Variants in ZNF587B observed in about 807,000 individuals in gnomAD.
The protein encoded by ZNF587B is zinc finger protein 587B.
A neutral mutation model predicts 7.2 loss-of-function variants in ZNF587B; 6 were observed. The ratio of observed to expected loss-of-function variants is 0.83; its 90% CI spans 0.46 to 1.65. ZNF587B has a LOEUF of 1.65. ZNF587B is among the 40% of genes most tolerant of loss of function. The pLI, the probability that ZNF587B is intolerant of heterozygous loss-of-function variation, is 0.01. For synonymous variants in ZNF587B, 274 were observed against 254.3 expected, an observed-to-expected ratio of 1.08 and a Z score of -0.74; for missense variants, 749 against 761.0, an observed-to-expected ratio of 0.98 and a Z score of 0.19.
At chr19:57,836,583 TAC>T (rs1988615440) in intron 1 of ZNF587B, among the ~76,000 whole-genome samples, 3 of 152,158 alleles carry the variant, frequency 2.0e-5, no homozygotes, top group African/African-American at 7.2e-5. Context: ...CTTGAACTCC[TAC>T]GATCAAGCAG....
Position 57,841,215 on chromosome 19 carries a change from C to G in ZNF587B, c.541C>G (p.Pro181Ala). ...VFSESGKDFL[P>A]RSGLLQQEAS... ...CAGTGAGAGTGGGAAGGACTTTTTGCCCAGGTCAGGATTACTCCAGCAGGA... is the reference window on the plus strand; with the variant it reads ...CAGTGAGAGTGGGAAGGACTTTTTGGCCAGGTCAGGATTACTCCAGCAGGA... Residue 181 changes from proline (P) to alanine (A), a missense_variant, in exon 3 of 3, where the codon CCC (proline) becomes GCC (alanine). By Grantham distance (27) the Pro-to-Ala change is conservative. Coordinates refer to ENST00000594901, the MANE Select transcript of ZNF587B (RefSeq NM_001376223.1). 6.2e-7 allele frequency: 1 copy of G among 1,614,080 alleles called. No individual in the cohort carries two copies. The highest frequency in any genetic ancestry group is 8.5e-7 in the Non-Finnish European group (1 of 1,180,020).
At chr19:57,839,487 C>T (rs1370352654) in intron 2 of ZNF587B, among the ~76,000 whole-genome samples, 2 of 152,256 alleles carry the variant, frequency 1.3e-5, no homozygotes, top group Non-Finnish European at 2.9e-5. Context: ...CTTATGCCTT[C>T]CTGTGGCAGG....
chr19:57,838,622 A>T (rs1336272340), intron 1 of ZNF587B, among the ~76,000 whole-genome samples: 1 of 152,170 alleles, frequency 6.6e-6, no homozygotes, highest in South Asian at 2.1e-4. Flanking sequence ...AAACAAAAAA[A>T]GATACTTTAA....
Position 57,842,530 on chromosome 19 carries a change from CTT to C in ZNF587B, c.1857_1858del (p.Ser620ThrfsTer9). The C allele has an allele frequency of 6.5e-7, 1 of 1,549,884 alleles. No individual in the cohort carries two copies. The highest frequency in any genetic ancestry group is 2.1e-5 in the Admixed American group (1 of 48,062). Reference sequence around the variant, plus strand: ...TGTGAAAAAAAATTTAGGAAAAGCTCTTCACTTCGTTACCATCAGAGAGTTCA... The same window carrying C: ...TGTGAAAAAAAATTTAGGAAAAGCTCCACTTCGTTACCATCAGAGAGTTCA... On this transcript the variant is annotated frameshift_variant, in exon 3 of 3. Coordinates refer to ENST00000594901, the MANE Select transcript of ZNF587B (RefSeq NM_001376223.1). LOFTEE classifies it low-confidence loss of function (END_TRUNC).
Position 57,841,871 on chromosome 19 carries a change from C to T in ZNF587B, c.1197C>T (p.Ile399=). Residue 399 remains isoleucine (I), a synonymous_variant, in exon 3 of 3, where the codon ATC becomes ATT. Transcript: ENST00000594901. ...KSYISKGHLR[I]HQRMHTGERP... Reference sequence around the variant, plus strand: ...ATATTTCAAAGGGGCACCTTAGGATCCATCAGCGCATGCACACTGGAGAAA... The same window carrying T: ...ATATTTCAAAGGGGCACCTTAGGATTCATCAGCGCATGCACACTGGAGAAA... 1.2e-6 allele frequency: 2 copies of T among 1,613,150 alleles called. No homozygotes were observed. The highest frequency in any genetic ancestry group is 1.7e-6 in the Non-Finnish European group (2 of 1,179,772).
chr19:57,839,796 C>G (rs1988766734), intron 2 of ZNF587B, among the ~76,000 whole-genome samples: 1 of 152,010 alleles, frequency 6.6e-6, no homozygotes, highest in Admixed American at 6.6e-5. Flanking sequence ...GAGTGGCACC[C>G]TGGGCTGGGG....
intron 2 of ZNF587B, among the ~76,000 whole-genome samples, chr19:57,840,530 A>G (rs543789458): frequency 9.2e-5 from 14 of 152,298 alleles, no homozygotes; most frequent in African/African-American, 3.4e-4. Context: ...CCCTCTCTAC[A>G]GCACTCACAT....
Position 57,842,967 on chromosome 19 carries a change from G to GT in ZNF587B, c.*392dup, listed in dbSNP as rs1422228699. ...CTGAGATGAGAAAAACACTGTAGATGTATAGGTTAGATATATAGGGAATGT... is the reference window on the plus strand; with the variant it reads ...CTGAGATGAGAAAAACACTGTAGATGTTATAGGTTAGATATATAGGGAATGT... On this transcript the variant is annotated 3_prime_UTR_variant, in exon 3 of 3. Coordinates refer to ENST00000594901, the MANE Select transcript of ZNF587B (RefSeq NM_001376223.1). The GT allele has an allele frequency of 3.0e-6, 3 of 985,196 alleles. No homozygotes were observed. The highest frequency in any genetic ancestry group is 3.5e-5 in the African/African-American group (2 of 57,232). The allele number at this position is 985,196 out of a possible 1,614,324, so 61.0% of individuals were successfully genotyped here.
chr19:57,838,018 C>T lies in ZNF587B; in HGVS notation c.37-1005C>T, dbSNP rs1357588341. Among the ~76,000 whole-genome samples, 5 of 151,964 alleles carry T rather than the reference C, an allele frequency of 3.3e-5. 1 individual carries two copies. In the East Asian group the frequency reaches 7.8e-4, roughly 24 times the overall value. On this transcript the variant is annotated intron_variant, in intron 1 of 2. Transcript: ENST00000594901. ...GAAGACAAAGGAGGAAATTAAGATA[C>T]TTTAAGTTGGCTGGACACAGTGCCT...
At chr19:57,832,834 G>C (rs1988470614) in intron 1 of ZNF587B, among the ~76,000 whole-genome samples, 1 of 152,242 alleles carries the variant, frequency 6.6e-6, no homozygotes, top group Admixed American at 6.5e-5. Context: ...AATAAGATCT[G>C]AAAGATTTCC....
At position 57,841,233 on chromosome 19, in the gene ZNF587B, C is replaced by T. The variant is rs780574431; in HGVS notation, c.559C>T (p.Gln187Ter). ...CTTTTTGCCCAGGTCAGGATTACTC[C>T]AGCAGGAGGCCAGTCACACTGGGGA... is the stretch of plus-strand genomic sequence containing the variant. Reference protein sequence around the residue: ...KDFLPRSGLLQQEASHTGEKS... With the variant: ...KDFLPRSGLL Residue 187 changes from glutamine to a stop codon, truncating the protein, a stop_gained, in exon 3 of 3, where the codon CAG becomes TAG. Transcript: ENST00000594901. LOFTEE classifies it low-confidence loss of function (END_TRUNC). The T allele has an allele frequency of 2.7e-5, 44 of 1,614,006 alleles. No individual in the cohort carries two copies. The highest frequency in any genetic ancestry group is 3.5e-5 in the Non-Finnish European group (41 of 1,180,034).
At position 57,830,450 on chromosome 19, in the gene ZNF587B, C is replaced by G. The variant is rs1988328926; in HGVS notation, c.-79C>G. ...GCGCCAAGCGTGACCCACCCCTGGG[C>G]CAGGATAGGGACCGTCATGCCCATA... is the stretch of plus-strand genomic sequence containing the variant. On this transcript the variant is annotated 5_prime_UTR_variant, in exon 1 of 3. Transcript: ENST00000594901. The G allele has an allele frequency of 3.3e-6, 5 of 1,497,860 alleles. No homozygotes were observed. The South Asian group carries it at 4.8e-5, about 14-fold the overall frequency. 92.8% of individuals were successfully genotyped at this position (1,497,860 alleles called of 1,614,324 possible).
At chr19:57,831,155 A>G (rs1018975723) in intron 1 of ZNF587B, among the ~76,000 whole-genome samples, 5 of 152,152 alleles carry the variant, frequency 3.3e-5, no homozygotes, top group Non-Finnish European at 7.3e-5. Flanking sequence ...CAGCTTGCAC[A>G]AGTTAAGTCC....
chr19:57,838,935 A>T lies in ZNF587B; in HGVS notation c.37-88A>T, dbSNP rs1418555444. 47 of 1,457,658 alleles carry T rather than the reference A, an allele frequency of 3.2e-5. 1 individual carries two copies. The East Asian group carries it at 6.6e-4, about 21-fold the overall frequency. 90.3% of individuals were successfully genotyped at this position (1,457,658 alleles called of 1,614,324 possible). A position where few individuals can be genotyped will look rare whatever the true frequency, so the allele number is the denominator to read the frequency against. ...TATGTTTGAGGACCTTGAGAGGAGG[A>T]TGTGCGAGAGTAGATGTGTGGGAGA... On this transcript the variant is annotated intron_variant, in intron 1 of 2. Transcript: ENST00000594901.
chr19:57,838,470 G>A (rs1249456950), intron 1 of ZNF587B, among the ~76,000 whole-genome samples: 5 of 151,654 alleles, frequency 3.3e-5, no homozygotes, highest in Admixed American at 6.6e-5. Flanking sequence ...ATGTGGTGGC[G>A]GGTGCCTGTA....
In ZNF587B at chr19:57,842,928, T is replaced by G. The variant is rs1212102737; in HGVS notation, c.*352T>G. On this transcript the variant is annotated 3_prime_UTR_variant, in exon 3 of 3. Transcript: ENST00000594901. ...AAAAAAGCACTGTGCCTTCTGTCAT[T>G]GAATCCTAGAACACTGAGATGAGAA... is the stretch of plus-strand genomic sequence containing the variant. The G allele has an allele frequency of 1.0e-6, 1 of 985,330 alleles. No homozygotes were observed. Among genetic ancestry groups the G allele is most frequent in the Non-Finnish European group, 1.2e-6 (1 of 829,942 alleles). 61.0% of individuals were successfully genotyped at this position (985,330 alleles called of 1,614,324 possible). A position where few individuals can be genotyped will look rare whatever the true frequency, so the allele number is the denominator to read the frequency against.
chr19:57,843,421 G>A lies in ZNF587B; in HGVS notation c.*845G>A. On this transcript the variant is annotated 3_prime_UTR_variant, in exon 3 of 3. Transcript: ENST00000594901. ...TGCCCTGTTATCTTGCTAGACTTATGTGACTGCCACTTATCTGGCAAAAGC... is the reference window on the plus strand; with the variant it reads ...TGCCCTGTTATCTTGCTAGACTTATATGACTGCCACTTATCTGGCAAAAGC... 1.0e-6 allele frequency: 1 copy of A among 985,332 alleles called. No individual in the cohort carries two copies. Among genetic ancestry groups the A allele is most frequent in the Non-Finnish European group, 1.2e-6 (1 of 829,920 alleles). 61.0% of individuals were successfully genotyped at this position (985,332 alleles called of 1,614,324 possible). A position where few individuals can be genotyped will look rare whatever the true frequency, so the allele number is the denominator to read the frequency against.
chr19:57,838,408 C>T (rs949131924), intron 1 of ZNF587B, among the ~76,000 whole-genome samples: 3 of 152,074 alleles, frequency 2.0e-5, no homozygotes, highest in Non-Finnish European at 2.9e-5. Context: ...CAAGACCATC[C>T]TGGCCAACAT....
At position 57,841,509 on chromosome 19, in the gene ZNF587B, T is replaced by G. The variant is rs1393667048; in HGVS notation, c.835T>G (p.Phe279Val). The G allele has an allele frequency of 1.3e-6, 2 of 1,585,462 alleles. No individual in the cohort carries two copies. Among genetic ancestry groups the G allele is most frequent in the South Asian group, 2.3e-5 (2 of 87,776 alleles). The change falls in exon 3 of 3, where the codon TTT (phenylalanine) becomes GTT (valine). Residue 279 changes from phenylalanine to valine, a missense_variant. By Grantham distance (50) the Phe-to-Val change is conservative (BLOSUM62 -1). Coordinates refer to ENST00000594901, the MANE Select transcript of ZNF587B (RefSeq NM_001376223.1). ...TGAATGTGGAGAATGTGAGAAATCT[T>G]TTAGTCAAAAGAGCAGCCTCATTCA... ...PYECGECEKS[F>V]SQKSSLIQHQ...
Sources: allele counts gnomAD v4.1 joint callset (sites outside exome capture counted in the v4.1 genomes callset), GRCh38; gene constraint gnomAD v4.1.1; transcripts MANE v1.5; gene names NCBI Gene and HGNC (gene_info 2026-07-23, HGNC 2026-07-21).